The following ATP13A1 variants were observed in gnomAD, a reference collection of about 807,000 sequenced individuals.
The protein encoded by ATP13A1 is ATPase 13A1.
In ATP13A1, 55 loss-of-function variants were observed where a neutral mutation model predicts 134.8. The ratio of observed to expected loss-of-function variants is 0.41; its 90% CI spans 0.33 to 0.51. The LOEUF (loss-of-function observed/expected upper bound fraction) is 0.51, where lower values mean the gene tolerates loss of function less well. Among genes scored for constraint, ATP13A1 ranks in the 20% least tolerant of loss-of-function variants. The probability of loss-of-function intolerance (pLI) is 0.29; values close to 1 mark genes in which losing one functional copy is unlikely to be tolerated. For missense variants in ATP13A1, 1,389 were observed against 1,652.8 expected (o/e 0.84, Z 2.77); for synonymous variants, 775 against 725.1 (o/e 1.07, Z -1.10).
At chr19:19,659,323 G>C (rs1034646064) in intron 3 of ATP13A1, among the ~76,000 whole-genome samples, 5 of 152,122 alleles carry the variant, frequency 3.3e-5, no homozygotes, top group Admixed American at 6.5e-5. Context: ...AGGCGTGGTG[G>C]GGGGAGCCTG....
At chr19:19,662,231 CTT>C (rs2062099452) in intron 1 of ATP13A1, 6 of 1,512,622 alleles carry the variant, frequency 4.0e-6, no homozygotes, top group Middle Eastern at 2.4e-4. Context: ...TCATTGGTGT[CTT>C]TCATTGTACT....
At chr19:19,646,536 C>T (rs1461020193) in intron 22 of ATP13A1, 189 bp from the exon 23 acceptor site, 2 of 693,528 alleles carry the variant, frequency 2.9e-6, no homozygotes, top group East Asian at 2.8e-5. Context: ...GAGCCCAGGG[C>T]TGCCTCCCTG....
intron 17 of ATP13A1, chr19:19,651,171 A>G (rs1448043720): frequency 2.0e-5 from 3 of 152,212 alleles, no homozygotes; most frequent in African/African-American, 7.2e-5. Flanking sequence ...TGGGGAAGGC[A>G]AGCCACCCCG....
chr19:19,653,823 C>T lies in ATP13A1; in HGVS notation c.2061G>A (p.Ala687=), dbSNP rs998912990. 8.3e-6 allele frequency: 13 copies of T among 1,557,374 alleles called. No individual in the cohort carries two copies. Among genetic ancestry groups the T allele is most frequent in the African/African-American group, 6.8e-5 (5 of 73,346 alleles). Residue 687 remains alanine (A), a synonymous_variant, in exon 15 of 26, where the codon GCG becomes GCA. Coordinates refer to ENST00000357324, the MANE Select transcript of ATP13A1 (RefSeq NM_020410.3). This position sits in a 1 kb window ranked among gnomAD's most constrained non-coding sequence, Gnocchi z 4.2. The part of the protein sequence containing the change: ...EISREGARVL[A]LGYKELGHLT... ...GGTGTCCCAGCTCCTTGTACCCCAG[C>T]GCCAGGACGCGGGCTCCTTCCCGGG...
At chr19:19,657,235 TG>T (rs2062065252) in intron 4 of ATP13A1, 86 bp from the exon 5 acceptor site, 2 of 1,486,912 alleles carry the variant, frequency 1.3e-6, no homozygotes, top group South Asian at 1.4e-5. Flanking sequence ...TATGTGAGGG[TG>T]GGGAGAGGCT....
intron 3 of ATP13A1, among the ~76,000 whole-genome samples, 161 bp downstream of exon 3, chr19:19,659,440 A>T (rs914843252): frequency 1.3e-5 from 2 of 152,172 alleles, no homozygotes; most frequent in African/African-American, 4.8e-5. Context: ...TGGGTGACAG[A>T]GCGAGACTCA....
intron 22 of ATP13A1, 77 bp from the exon 23 acceptor site, chr19:19,646,424 A>G: frequency 6.5e-7 from 1 of 1,544,584 alleles, no homozygotes; most frequent in Admixed American, 1.7e-5. Flanking sequence ...AGGCAGTAAC[A>G]TCCCCTGCCT....
Position 19,656,596 on chromosome 19 carries a change from G to C in ATP13A1, c.1083+64C>G. 1.3e-6 allele frequency: 2 copies of C among 1,524,828 alleles called. No individual in the cohort carries two copies. The highest frequency in any genetic ancestry group is 1.8e-6 in the Non-Finnish European group (2 of 1,118,596). 94.5% of individuals were successfully genotyped at this position (1,524,828 alleles called of 1,614,324 possible). On this transcript the variant is annotated intron_variant, in intron 7 of 25. Coordinates refer to ENST00000357324, the MANE Select transcript of ATP13A1 (RefSeq NM_020410.3). This position sits in a 1 kb window ranked among gnomAD's most constrained non-coding sequence, Gnocchi z 4.6. ...TGAGGGGGATCCCCGCCACCCCCTG[G>C]GCCTCCACCTCCTGGCCTGTTTCCT...
chr19:19,652,310 T>C (rs959297752), intron 16 of ATP13A1, among the ~76,000 whole-genome samples: 1 of 152,164 alleles, frequency 6.6e-6, no homozygotes, highest in Non-Finnish European at 1.5e-5. Context: ...CTCAGCTTCC[T>C]TCTCTCCAGG....
intron 3 of ATP13A1, among the ~76,000 whole-genome samples, chr19:19,658,170 A>AAAAAAAAAAT: frequency 7.1e-6 from 1 of 141,514 alleles, no homozygotes; most frequent in Non-Finnish European, 1.5e-5. Context: ...AAAAAAAAAA[A>AAAAAAAAAAT]AAAGGCTCGA....
rs886914589 is a variant in ATP13A1 at position 19,653,890 on chromosome 19, G to A, written c.1994C>T (p.Ser665Phe). The A allele has an allele frequency of 5.7e-6, 9 of 1,567,676 alleles. No individual in the cohort carries two copies. In the African/African-American group the frequency reaches 9.5e-5, roughly 17 times the overall value. The part of the protein sequence containing the change: ...GAPETLHSMF[S>F]QCPPDYHHIH... ...GTGGTGGTAGTCGGGCGGGCACTGG[G>A]AGAACTGCAGGGAATGCAGGGGGAT... The change falls in exon 15 of 26, where the codon TCC (serine) becomes TTC (phenylalanine). Residue 665 changes from serine (S) to phenylalanine (F), a missense_variant. Coordinates refer to ENST00000357324, the MANE Select transcript of ATP13A1 (RefSeq NM_020410.3). The surrounding 1 kb of genome is among the most constrained non-coding windows in gnomAD (Gnocchi z 4.2).
At position 19,656,237 on chromosome 19, in the gene ATP13A1, C is replaced by T. The variant is rs1008655650; in HGVS notation, c.1084-54G>A. The T allele has an allele frequency of 3.2e-6, 5 of 1,551,606 alleles. No individual in the cohort carries two copies. The African/African-American group carries it at 6.8e-5, about 21-fold the overall frequency. On this transcript the variant is annotated intron_variant, in intron 7 of 25. Transcript: ENST00000357324. The surrounding 1 kb of genome is among the most constrained non-coding windows in gnomAD (Gnocchi z 4.6). Reference sequence around the variant, plus strand: ...GCCAGGCCTACCTTGCTTCCTTCTCCATCTGAGTTCCTGGACAGCTGGACC... The same window carrying T: ...GCCAGGCCTACCTTGCTTCCTTCTCTATCTGAGTTCCTGGACAGCTGGACC...
rs2062065017 is a variant in ATP13A1, at chr19:19,657,216, C to T, written c.751-67G>A. ...GTTCCCATGAGCCCCTTCCACCCACCGGATCTGATATGTGAGGGTGGGGAG... is the reference window on the plus strand; with the variant it reads ...GTTCCCATGAGCCCCTTCCACCCACTGGATCTGATATGTGAGGGTGGGGAG... On this transcript the variant is annotated intron_variant, in intron 4 of 25. Coordinates refer to ENST00000357324, the MANE Select transcript of ATP13A1 (RefSeq NM_020410.3). The T allele has an allele frequency of 1.6e-5, 23 of 1,483,164 alleles. No individual in the cohort carries two copies. The East Asian group carries it at 1.7e-4, about 11-fold the overall frequency. 91.9% of individuals were successfully genotyped at this position (1,483,164 alleles called of 1,614,324 possible). A position where few individuals can be genotyped will look rare whatever the true frequency, so the allele number is the denominator to read the frequency against.
Position 19,659,965 on chromosome 19 carries a change from G to A in ATP13A1, c.419C>T (p.Thr140Ile). Reference protein sequence around the residue: ...CTPEYDPSKATFVKVVPTPNN... With the variant: ...CTPEYDPSKAIFVKVVPTPNN... ...GGGGGTTGGCACCACCTTCACAAAG[G>A]TCGCTTTGCTGGGGTCGTACTCCTG... Residue 140 changes from threonine to isoleucine, a missense_variant, in exon 2 of 26, where the codon ACC becomes ATC. Around this residue, in one of 4 missense-constraint regions of ATP13A1, gnomAD observed 293 missense variants for 270.8 expected, o/e 1.08. Transcript: ENST00000357324. 1 of 1,578,444 alleles carries A rather than the reference G, an allele frequency of 6.3e-7. No homozygotes were observed. Among genetic ancestry groups the A allele is most frequent in the Non-Finnish European group, 8.6e-7 (1 of 1,163,528 alleles).
rs61744924 is a variant in ATP13A1, at chr19:19,649,912, G to A, written c.2364C>T (p.Asp788=). The A allele has an allele frequency of 2.1e-3, 3,423 of 1,597,598 alleles. 57 individuals are homozygous for A. The African/African-American group carries it at 0.036, about 17-fold the overall frequency. The part of the protein sequence containing the change: ...KGRQCEWRSI[D]GSIVLPLARG... ...GGGCCAGGGGCAGCACGATGCTGCC[G>A]TCAATGGAGCGCCACTCGCACTGCC... Residue 788 remains aspartate, a synonymous_variant, in exon 18 of 26, where the codon GAC becomes GAT. Coordinates refer to ENST00000357324, the MANE Select transcript of ATP13A1 (RefSeq NM_020410.3).
In ATP13A1 at chr19:19,655,490, G is replaced by C. The variant is rs377439283; in HGVS notation, c.1397-37C>G. On this transcript the variant is annotated intron_variant, in intron 10 of 25. Coordinates refer to ENST00000357324, the MANE Select transcript of ATP13A1 (RefSeq NM_020410.3). This position sits in a 1 kb window ranked among gnomAD's most constrained non-coding sequence, Gnocchi z 5.7. ...GGGCCTGCCAACCTGGAGCCTCGGA[G>C]GGTGGGCGCAGGGGACCACAGAGGC... 3.5e-5 allele frequency: 57 copies of C among 1,614,000 alleles called. No individual in the cohort carries two copies. The highest frequency in any genetic ancestry group is 5.5e-5 in the South Asian group (5 of 91,090).
chr19:19,662,111 C>G (rs2062098587), intron 1 of ATP13A1: 1 of 1,570,022 alleles, frequency 6.4e-7, no homozygotes, highest in Non-Finnish European at 8.6e-7. Flanking sequence ...CCTCCCACTT[C>G]TCCATCCCTG....
rs145829830 is a variant in ATP13A1, at chr19:19,647,752, C to T, written c.2640G>A (p.Ala880=). ...CCCGCTCAGGGGCATTGGCCAAGAG[C>T]GCCACACCTGGGGGGCAGGAGGGTG... ...GALKHADVGV[A]LLANAPERVV... The change falls in exon 20 of 26, where the codon GCG becomes GCA. Residue 880 remains alanine, a synonymous_variant. Coordinates refer to ENST00000357324, the MANE Select transcript of ATP13A1 (RefSeq NM_020410.3). The surrounding 1 kb of genome is among the most constrained non-coding windows in gnomAD (Gnocchi z 4.8). The T allele has an allele frequency of 1.9e-6, 3 of 1,596,960 alleles. No homozygotes were observed. Among genetic ancestry groups the T allele is most frequent in the African/African-American group, 1.3e-5 (1 of 74,840 alleles).
intron 1 of ATP13A1, 94 bp from the exon 2 acceptor site, chr19:19,660,081 G>T: frequency 9.5e-7 from 1 of 1,054,952 alleles, no homozygotes; most frequent in Non-Finnish European, 1.4e-6. Context: ...AGCTCTATGG[G>T]TATATTCTGA....
Sources: gnomAD v4.1 joint callset for allele counts (sites outside exome capture counted in the v4.1 genomes callset) on GRCh38, gnomAD v4.1.1 for gene constraint, gnomAD v4.1.1 regional missense constraint, Gnocchi (gnomAD v3.1) non-coding constraint, MANE v1.5 for transcripts, NCBI Gene and HGNC (gene_info 2026-07-23, HGNC 2026-07-21) for gene names.